Variants in MPST observed in about 807,000 individuals in gnomAD.
MPST encodes the protein mercaptopyruvate sulfurtransferase, also known as 3-mercaptopyruvate sulfurtransferase.
Under a neutral mutation model 28.5 loss-of-function variants are expected in MPST, and 27 were observed. The ratio of observed to expected loss-of-function variants is 0.95; its 90% CI spans 0.70 to 1.31. The LOEUF (loss-of-function observed/expected upper bound fraction) is 1.31. MPST is among the 50% of genes most tolerant of loss of function. The pLI is 0.00. For missense variants in MPST, 492 were observed against 471.1 expected (o/e 1.04, Z -0.41); for synonymous variants, 204 against 209.3 (o/e 0.97, Z 0.22).
At chr22:37,023,320 T>A (rs1307115786) in intron 1 of MPST, 1 of 152,410 alleles carries the variant, frequency 6.6e-6, no homozygotes, top group East Asian at 1.9e-4. Flanking sequence ...TGGATTGCAA[T>A]GGCACGATCT....
Position 37,024,675 on chromosome 22 carries a change from TTCCGCGC to T in MPST, c.523_529del (p.Arg175SerfsTer53). On this transcript the variant is annotated frameshift_variant, in exon 2 of 3. Coordinates refer to ENST00000429360, the MANE Select transcript of MPST (RefSeq NM_021126.8). LOFTEE classifies it high-confidence loss of function. ...CAAGAGCCAACCTGCTCCCGCCGAG[TTCCGCGC>T]TCAGCTCGACCCCGCCTTCATCAAG... The T allele has an allele frequency of 6.3e-7, 1 of 1,599,232 alleles. No homozygotes were observed. Among genetic ancestry groups the T allele is most frequent in the Non-Finnish European group, 8.5e-7 (1 of 1,179,680 alleles).
At position 37,024,402 on chromosome 22, in the gene MPST, G is replaced by GA. The variant is rs775747974; in HGVS notation, c.248dup (p.Asp83GlufsTer67). On this transcript the variant is annotated frameshift_variant, in exon 2 of 3. Coordinates refer to ENST00000429360, the MANE Select transcript of MPST (RefSeq NM_021126.8). LOFTEE classifies it high-confidence loss of function. ...CCCGGGCGCCGCTTTCTTCGACATC[G>GA]ACCAGTGCAGCGACCGCACCTCGCC... The GA allele has an allele frequency of 2.6e-6, 4 of 1,545,928 alleles. No homozygotes were observed. Among genetic ancestry groups the GA allele is most frequent in the Non-Finnish European group, 2.6e-6 (3 of 1,145,248 alleles).
intron 1 of MPST, chr22:37,023,865 CT>C: frequency 6.9e-7 from 1 of 1,446,100 alleles, no homozygotes; most frequent in Non-Finnish European, 9.2e-7. Context: ...CTGTTTGTGC[CT>C]TGAAGCCAGC....
At chr22:37,026,559 A>G (rs1923542450) in intron 2 of MPST, 1 of 152,280 alleles carries the variant, frequency 6.6e-6, no homozygotes, top group Non-Finnish European at 1.5e-5. Flanking sequence ...TGCTCCTGTG[A>G]TGTGCCACAC....
chr22:37,021,251 C>A (rs1191987032), intron 1 of MPST, among the ~76,000 whole-genome samples: 1 of 152,116 alleles, frequency 6.6e-6, no homozygotes, highest in African/African-American at 2.4e-5. Flanking sequence ...ATCACACAGG[C>A]ACCTGGTTTC....
chr22:37,029,534 G>A lies in MPST; in HGVS notation c.*20G>A, dbSNP rs377537793. On this transcript the variant is annotated 3_prime_UTR_variant, in exon 3 of 3. Transcript: ENST00000429360. ...CACTGAAGCTGGGCAGGACACAGGC[G>A]AGCTCAGGTGATGCCGGCCACCAGC... 5.6e-5 allele frequency: 88 copies of A among 1,572,630 alleles called. No individual in the cohort carries two copies. Among genetic ancestry groups the A allele is most frequent in the South Asian group, 2.3e-5 (2 of 87,802 alleles).
chr22:37,026,442 C>T (rs998170491), intron 2 of MPST: 4 of 152,114 alleles, frequency 2.6e-5, no homozygotes, highest in Non-Finnish European at 4.4e-5. Context: ...AGGTGATACA[C>T]GCCTAGCAGG....
At position 37,025,149 on chromosome 22, in the gene MPST, C is replaced by T. The variant is rs539917077; in HGVS notation, c.655+339C>T. ...TGAGGTGGGGAAGGAGATTTGACTTCCACTTGCCTCGGTGACTTTGTCTGT... is the reference window on the plus strand; with the variant it reads ...TGAGGTGGGGAAGGAGATTTGACTTTCACTTGCCTCGGTGACTTTGTCTGT... On this transcript the variant is annotated intron_variant, in intron 2 of 2. Coordinates refer to ENST00000429360, the MANE Select transcript of MPST (RefSeq NM_021126.8). 4.4e-6 allele frequency: 6 copies of T among 1,363,862 alleles called. No homozygotes were observed. In the Middle Eastern group the frequency reaches 1.1e-3, roughly 240 times the overall value. 84.5% of individuals were successfully genotyped at this position (1,363,862 alleles called of 1,614,324 possible).
chr22:37,024,444 C>G lies in MPST; in HGVS notation c.289C>G (p.Pro97Ala), dbSNP rs750571310. The change falls in exon 2 of 3, where the codon CCC (proline) becomes GCC (alanine). Residue 97 changes from proline to alanine, a missense_variant. By Grantham distance (27) the Pro-to-Ala change is conservative. Transcript: ENST00000429360. ...CACCTCGCCCTACGACCACATGCTG[C>G]CCGGGGCCGAGCATTTCGCGGAGTA... ...DRTSPYDHML[P>A]GAEHFAEYAG... The G allele has an allele frequency of 1.2e-5, 18 of 1,547,312 alleles. No homozygotes were observed. The highest frequency in any genetic ancestry group is 1.6e-5 in the Non-Finnish European group (18 of 1,144,994).
Position 37,029,527 on chromosome 22 carries a change from C to G in MPST, c.*13C>G, listed in dbSNP as rs1923763484. On this transcript the variant is annotated 3_prime_UTR_variant, in exon 3 of 3. Coordinates refer to ENST00000429360, the MANE Select transcript of MPST (RefSeq NM_021126.8). Reference sequence around the variant, plus strand: ...GAAGACCCACTGAAGCTGGGCAGGACACAGGCGAGCTCAGGTGATGCCGGC... The same window carrying G: ...GAAGACCCACTGAAGCTGGGCAGGAGACAGGCGAGCTCAGGTGATGCCGGC... The G allele has an allele frequency of 6.3e-7, 1 of 1,587,876 alleles. No individual in the cohort carries two copies. The highest frequency in any genetic ancestry group is 1.3e-5 in the African/African-American group (1 of 74,312).
intron 1 of MPST, chr22:37,020,175 G>A: frequency 2.8e-6 from 1 of 351,804 alleles, no homozygotes; most frequent in Non-Finnish European, 5.1e-6. Flanking sequence ...GAGGCCCCAG[G>A]AAGAGACACT....
chr22:37,023,952 CCGGGAGGTCATGGTCATTGGGTCACT>C, intron 1 of MPST: 1 of 1,519,222 alleles, frequency 6.6e-7, no homozygotes, highest in East Asian at 2.6e-5. Flanking sequence ...CTGGGGCTCT[CCGGGAGGTCATGGTCATTGGGTCACT>C]CGGAGCTTGT....
rs1397072012 is a variant in MPST, at chr22:37,019,805, G to A, written c.-32G>A. 5 of 1,134,762 alleles carry A rather than the reference G, an allele frequency of 4.4e-6. No homozygotes were observed. The highest frequency in any genetic ancestry group is 8.9e-5 in the South Asian group (2 of 22,492). The allele number at this position is 1,134,762 out of a possible 1,614,324, so 70.3% of individuals were successfully genotyped here. A position where few individuals can be genotyped will look rare whatever the true frequency, so the allele number is the denominator to read the frequency against. On this transcript the variant is annotated 5_prime_UTR_variant, in exon 1 of 3. Transcript: ENST00000429360. The stretch of plus-strand genomic sequence containing the variant: ...TGGCGGGAGGAGGGGACAGCTGCGG[G>A]CGCGGGGAGGGGGCGCCGCGCCGCG...
intron 1 of MPST, chr22:37,020,134 G>A (rs1922962139): frequency 2.6e-6 from 1 of 381,884 alleles, no homozygotes; most frequent in Non-Finnish European, 4.6e-6. Context: ...GGAGAGAGAG[G>A]AGGACAGGGA....
rs1322408060 is a variant in MPST, at chr22:37,029,502, G to A, written c.942G>A (p.Gly314=). ...AGGATGTCATCTCAGAGGGCCGGGG[G>A]AAGACCCACTGAAGCTGGGCAGGAC... ...RPEDVISEGR[G]KTH The change falls in exon 3 of 3, where the codon GGG becomes GGA. Residue 314 remains glycine (G), a synonymous_variant. Coordinates refer to ENST00000429360, the MANE Select transcript of MPST (RefSeq NM_021126.8). 12 of 1,603,672 alleles carry A rather than the reference G, an allele frequency of 7.5e-6. No individual in the cohort carries two copies. The highest frequency in any genetic ancestry group is 4.4e-5 in the South Asian group (4 of 90,536).
chr22:37,029,791 G>A lies in MPST; in HGVS notation c.*277G>A, dbSNP rs1003633155. On this transcript the variant is annotated 3_prime_UTR_variant, in exon 3 of 3. Coordinates refer to ENST00000429360, the MANE Select transcript of MPST (RefSeq NM_021126.8). The stretch of plus-strand genomic sequence containing the variant: ...CGCCTCCTTTCTGTTTTATTTTTGA[G>A]GAAATAAAATAACCAAGTGCTAAAT... 3.9e-6 allele frequency: 2 copies of A among 516,778 alleles called. No individual in the cohort carries two copies. Among genetic ancestry groups the A allele is most frequent in the Non-Finnish European group, 6.9e-6 (2 of 289,882 alleles). 32.0% of individuals were successfully genotyped at this position (516,778 alleles called of 1,614,324 possible). A position where few individuals can be genotyped will look rare whatever the true frequency, so the allele number is the denominator to read the frequency against.
intron 1 of MPST, among the ~76,000 whole-genome samples, chr22:37,021,455 G>A (rs1923063614): frequency 6.6e-6 from 1 of 152,060 alleles, no homozygotes; most frequent in African/African-American, 2.4e-5. Flanking sequence ...AGTAATGGAA[G>A]AAATAATGCA....
chr22:37,024,854 T>C, intron 2 of MPST, 44 bp downstream of exon 2: 1 of 1,587,658 alleles, frequency 6.3e-7, no homozygotes, highest in East Asian at 2.3e-5. Context: ...GGGCGCGGCC[T>C]CTACGCCCTG....
chr22:37,029,444 C>A lies in MPST; in HGVS notation c.884C>A (p.Ser295Tyr). ...GKPDVPIYDG[S>Y]WVEWYMRARP... ...CCAGACGTGCCCATCTACGATGGCT[C>A]CTGGGTGGAGTGGTACATGCGCGCC... is the stretch of plus-strand genomic sequence containing the variant. Residue 295 changes from serine to tyrosine, a missense_variant, in exon 3 of 3, where the codon TCC becomes TAC. Physicochemically the swap from Ser to Tyr is moderately radical, Grantham distance 144. Coordinates refer to ENST00000429360, the MANE Select transcript of MPST (RefSeq NM_021126.8). The A allele has an allele frequency of 6.2e-7, 1 of 1,613,652 alleles. No individual in the cohort carries two copies. The highest frequency in any genetic ancestry group is 2.2e-5 in the East Asian group (1 of 44,876).
Sources: allele counts gnomAD v4.1 joint callset (sites outside exome capture counted in the v4.1 genomes callset), GRCh38; gene constraint gnomAD v4.1.1; transcripts MANE v1.5; gene names NCBI Gene and HGNC (gene_info 2026-07-23, HGNC 2026-07-21).